Variants in COX10 observed in about 807,000 individuals in gnomAD.
COX10 encodes the protein cytochrome c oxidase assembly factor heme A:farnesyltransferase COX10.
COX10 carries 27 observed loss-of-function variants against 37.3 expected under a neutral mutation model. The ratio of observed to expected loss-of-function variants is 0.72; its 90% CI spans 0.53 to 1.00. COX10 has a LOEUF of 1.00. Ranked by LOEUF, COX10 falls within the 50% of genes least tolerant of loss-of-function variation. The probability of loss-of-function intolerance (pLI) is 0.00; values close to 1 mark genes in which losing one functional copy is unlikely to be tolerated. For missense variants in COX10, 475 were observed against 563.2 expected (o/e 0.84, Z 1.59); for synonymous variants, 222 against 229.1 (o/e 0.97, Z 0.28).
At chr17:14,088,240 A>C (rs367993521) in intron 3 of COX10, among the ~76,000 whole-genome samples, 2 of 152,204 alleles carry the variant, frequency 1.3e-5, no homozygotes, top group Non-Finnish European at 2.9e-5. Context: ...GTAGTGACCC[A>C]GTCCTCAGTA....
At position 14,080,219 on chromosome 17, in the gene COX10, CTTTTTTTTTTT is replaced by C. The variant is rs71147840; in HGVS notation, c.499+3175_499+3185del. On this transcript the variant is annotated intron_variant, in intron 3 of 6. Coordinates refer to ENST00000261643, the MANE Select transcript of COX10 (RefSeq NM_001303.4). ...CAACAGCATTTGGGAATTAGACTTT[CTTTTTTTTTTT>C]TTTTTTTTTTTGAGACGGAGTCTTG... is the stretch of plus-strand genomic sequence containing the variant. Among the ~76,000 whole-genome samples, 20 of 102,704 alleles carry C rather than the reference CTTTTTTTTTTT, an allele frequency of 1.9e-4. No individual in the cohort carries two copies. The East Asian group carries it at 4.9e-3, about 25-fold the overall frequency. 67.4% of individuals were successfully genotyped at this position (102,704 alleles called of 152,430 possible). A position where few individuals can be genotyped will look rare whatever the true frequency, so the allele number is the denominator to read the frequency against.
intron 5 of COX10, among the ~76,000 whole-genome samples, chr17:14,161,355 G>A (rs1905167288): frequency 6.6e-6 from 1 of 152,194 alleles, no homozygotes; most frequent in African/African-American, 2.4e-5. Context: ...TCACAGGATA[G>A]TAAAATCATG....
At chr17:14,180,250 A>C (rs1212763651) in intron 5 of COX10, among the ~76,000 whole-genome samples, 2 of 152,136 alleles carry the variant, frequency 1.3e-5, no homozygotes, top group Admixed American at 1.3e-4. Context: ...TAATGTAATA[A>C]GAACATAAAC....
At chr17:14,187,602 G>C (rs1021889285) in intron 5 of COX10, among the ~76,000 whole-genome samples, 4 of 152,098 alleles carry the variant, frequency 2.6e-5, no homozygotes, top group African/African-American at 9.7e-5. Flanking sequence ...TCTTCTTTGT[G>C]ATTTTCTAGA....
At chr17:14,123,998 AC>A (rs1488117964) in intron 4 of COX10, among the ~76,000 whole-genome samples, 1 of 152,116 alleles carries the variant, frequency 6.6e-6, no homozygotes, top group Non-Finnish European at 1.5e-5. Flanking sequence ...GCCTTTTGTT[AC>A]TTAAAAGCAG....
intron 3 of COX10, among the ~76,000 whole-genome samples, chr17:14,100,269 T>C (rs1915746764): frequency 6.6e-6 from 1 of 152,194 alleles, no homozygotes. Flanking sequence ...ATTTGCCACC[T>C]TTCCTCCTGT....
intron 5 of COX10, among the ~76,000 whole-genome samples, chr17:14,167,707 G>A (rs1444425928): frequency 6.6e-6 from 1 of 152,182 alleles, no homozygotes; most frequent in Non-Finnish European, 1.5e-5. Flanking sequence ...AGCAAAGGGA[G>A]AACTGCCACA....
At chr17:14,151,068 A>G (rs76796890) in intron 4 of COX10, among the ~76,000 whole-genome samples, 1 of 49,214 alleles carries the variant, frequency 2.0e-5, no homozygotes, top group Non-Finnish European at 3.8e-5. Flanking sequence ...AAAGCACAGG[A>G]AAAAAAAAAT....
intron 5 of COX10, among the ~76,000 whole-genome samples, chr17:14,164,053 G>A (rs1461179555): frequency 6.6e-6 from 1 of 152,156 alleles, no homozygotes; most frequent in Non-Finnish European, 1.5e-5. Context: ...CATTGTGCGT[G>A]TATGTAAAAA....
intron 3 of COX10, among the ~76,000 whole-genome samples, chr17:14,093,124 G>T (rs1915564434): frequency 6.6e-6 from 1 of 152,090 alleles, no homozygotes; most frequent in Non-Finnish European, 1.5e-5. Flanking sequence ...AGATTACAAG[G>T]GTAATTTGAA....
intron 5 of COX10, among the ~76,000 whole-genome samples, chr17:14,172,034 A>G (rs914737478): frequency 3.9e-5 from 6 of 152,138 alleles, no homozygotes; most frequent in Non-Finnish European, 7.3e-5. Context: ...GCTTCAGCCC[A>G]TCATCAGTTT....
At chr17:14,107,245 GCCCAA>G (rs1915914137) in intron 4 of COX10, among the ~76,000 whole-genome samples, 1 of 150,194 alleles carries the variant, frequency 6.7e-6, no homozygotes, top group Non-Finnish European at 1.5e-5. Context: ...TGAGATCTTT[GCCCAA>G]GATCCTGGCT....
chr17:14,098,896 T>C (rs1331460610), intron 3 of COX10, among the ~76,000 whole-genome samples: 1 of 152,122 alleles, frequency 6.6e-6, no homozygotes, highest in East Asian at 1.9e-4. Flanking sequence ...TGTGTACTTG[T>C]TGTGTTATGA....
At chr17:14,147,923 T>C (rs956520044) in intron 4 of COX10, among the ~76,000 whole-genome samples, 3 of 151,760 alleles carry the variant, frequency 2.0e-5, no homozygotes, top group African/African-American at 7.3e-5. Flanking sequence ...TCTCCTTCCA[T>C]CTTTTTTCAG....
At chr17:14,178,380 T>C (rs1905750936) in intron 5 of COX10, among the ~76,000 whole-genome samples, 1 of 108,164 alleles carries the variant, frequency 9.2e-6, no homozygotes, top group African/African-American at 2.7e-5. Flanking sequence ...TTCTGTCTTA[T>C]GGTCTTCCGT....
At chr17:14,205,513 T>C (rs868653574) in intron 6 of COX10, among the ~76,000 whole-genome samples, 1 of 152,196 alleles carries the variant, frequency 6.6e-6, no homozygotes, top group Non-Finnish European at 1.5e-5. Flanking sequence ...CAGGAGCACG[T>C]GTGGATTGTT....
At chr17:14,098,654 A>G (rs1321340232) in intron 3 of COX10, among the ~76,000 whole-genome samples, 1 of 152,180 alleles carries the variant, frequency 6.6e-6, no homozygotes, top group East Asian at 1.9e-4. Context: ...GTAAAACTAA[A>G]TGGCCTATGA....
intron 6 of COX10, among the ~76,000 whole-genome samples, chr17:14,199,935 G>A (rs1232930103): frequency 6.6e-6 from 1 of 152,170 alleles, no homozygotes; most frequent in African/African-American, 2.4e-5. Flanking sequence ...CACAAATAGA[G>A]CCAGTCATGG....
chr17:14,103,148 G>A (rs996234849), intron 4 of COX10, among the ~76,000 whole-genome samples: 10 of 151,980 alleles, frequency 6.6e-5, no homozygotes, highest in African/African-American at 2.4e-4. Flanking sequence ...ATCTTATAGT[G>A]AGGTTCAAAT....
Sources: gnomAD v4.1 joint callset for allele counts (sites outside exome capture counted in the v4.1 genomes callset) on GRCh38, gnomAD v4.1.1 for gene constraint, MANE v1.5 for transcripts, NCBI Gene and HGNC (gene_info 2026-07-23, HGNC 2026-07-21) for gene names.